The following WDR17 variants were observed in gnomAD, a reference collection of about 807,000 sequenced individuals.
The protein encoded by WDR17 is WD repeat domain 17.
WDR17 carries 143 observed loss-of-function variants against 161.7 expected under a neutral mutation model. The observed-to-expected ratio is 0.88, with a 90% confidence interval of 0.77 to 1.02. The LOEUF is 1.02. Among genes scored for constraint, WDR17 ranks in the 50% least tolerant of loss-of-function variants. The pLI, the probability that WDR17 is intolerant of heterozygous loss-of-function variation, is 0.00. For missense variants in WDR17, 1,469 were observed against 1,520.9 expected (o/e 0.97, Z 0.57); for synonymous variants, 517 against 515.6 (o/e 1.00, Z -0.04).
intron 4 of WDR17, among the ~76,000 whole-genome samples, chr4:176,124,105 G>T (rs1725531276): frequency 6.6e-6 from 1 of 152,184 alleles, no homozygotes; most frequent in Non-Finnish European, 1.5e-5. Context: ...GTAATTATGG[G>T]ATTGCAGCAA....
intron 1 of WDR17, among the ~76,000 whole-genome samples, chr4:176,082,821 A>T (rs1017785401): frequency 2.0e-5 from 3 of 147,056 alleles, no homozygotes; most frequent in Admixed American, 2.0e-4. Context: ...TAATTTATTT[A>T]CTTTAAGTCT....
chr4:176,147,895 G>A (rs1034840208), intron 12 of WDR17, among the ~76,000 whole-genome samples: 1 of 151,942 alleles, frequency 6.6e-6, no homozygotes, highest in Admixed American at 6.6e-5. Flanking sequence ...TATGTGAGGG[G>A]ATGAATTTGT....
rs1214794969 is a variant in WDR17 at position 176,161,007 on chromosome 4, G to A, written c.2750+5G>A. 1 of 1,603,086 alleles carries A rather than the reference G, an allele frequency of 6.2e-7. No individual in the cohort carries two copies. The highest frequency in any genetic ancestry group is 1.3e-5 in the African/African-American group (1 of 74,578). ...CTACAAGGAAGACTTTAATGAGTGA[G>A]TGATTTATTTGCTCTGGGTCCATAT... On this transcript the variant is annotated splice_donor_5th_base_variant and intron_variant, in intron 20 of 28. Coordinates refer to ENST00000508596, the MANE Select transcript of WDR17 (RefSeq NM_181265.4).
chr4:176,108,208 T>G (rs1739117710), intron 1 of WDR17, among the ~76,000 whole-genome samples: 1 of 152,128 alleles, frequency 6.6e-6, no homozygotes, highest in Non-Finnish European at 1.5e-5. Context: ...TTTTATGTTA[T>G]GTGTATTTTA....
Position 176,149,962 on chromosome 4 carries a change from GA to G in WDR17, c.2047+8del. On this transcript the variant is annotated splice_region_variant and intron_variant, in intron 14 of 28. Coordinates refer to ENST00000508596, the MANE Select transcript of WDR17 (RefSeq NM_181265.4). ...AGAAATTATTGGGAACACTGGTATG[GA>G]ACATATACATGTATTAGAGTTTATT... is the stretch of plus-strand genomic sequence containing the variant. 6.2e-7 allele frequency: 1 copy of G among 1,612,292 alleles called. No individual in the cohort carries two copies.
intron 1 of WDR17, among the ~76,000 whole-genome samples, chr4:176,085,597 A>T (rs1224982710): frequency 2.6e-5 from 4 of 152,038 alleles, no homozygotes; most frequent in Non-Finnish European, 5.9e-5. Context: ...GTGAAGGTGG[A>T]TATAGTATTC....
At chr4:176,072,197 C>T (rs541298333) in intron 1 of WDR17, among the ~76,000 whole-genome samples, 6 of 152,284 alleles carry the variant, frequency 3.9e-5, no homozygotes, top group African/African-American at 1.4e-4. Context: ...CTCAGAAATG[C>T]TCAGGTAAAC....
Position 176,148,115 on chromosome 4 carries a change from A to G in WDR17, c.1695-18A>G, listed in dbSNP as rs780477449. Reference sequence around the variant, plus strand: ...TTATAACTTGAATGTTATCACACCCATAATATTCTGTTTTCAGTACCGTTC... The same window carrying G: ...TTATAACTTGAATGTTATCACACCCGTAATATTCTGTTTTCAGTACCGTTC... On this transcript the variant is annotated intron_variant, in intron 12 of 28. Coordinates refer to ENST00000508596, the MANE Select transcript of WDR17 (RefSeq NM_181265.4). 199 of 1,609,862 alleles carry G rather than the reference A, an allele frequency of 1.2e-4. No individual in the cohort carries two copies. The highest frequency in any genetic ancestry group is 1.6e-4 in the Non-Finnish European group (187 of 1,176,816).
At chr4:176,134,993 G>T in intron 7 of WDR17, 115 bp from the exon 8 acceptor site, 1 of 978,248 alleles carries the variant, frequency 1.0e-6, no homozygotes, top group Non-Finnish European at 1.5e-6. Context: ...ATATATTTTT[G>T]CATTAATATT....
intron 3 of WDR17, among the ~76,000 whole-genome samples, chr4:176,119,436 A>G (rs191319303): frequency 3.9e-5 from 6 of 152,230 alleles, no homozygotes; most frequent in Admixed American, 2.6e-4. Context: ...TTATATTTTT[A>G]TTCACTAATC....
intron 2 of WDR17, among the ~76,000 whole-genome samples, chr4:176,112,397 A>G (rs1301488450): frequency 6.6e-6 from 1 of 152,130 alleles, no homozygotes; most frequent in African/African-American, 2.4e-5. Flanking sequence ...CTGTAGTGCA[A>G]ATCTAAATTT....
Position 176,156,073 on chromosome 4 carries a change from T to C in WDR17, c.2461-6T>C, listed in dbSNP as rs758160180. The C allele has an allele frequency of 6.2e-7, 1 of 1,613,322 alleles. No individual in the cohort carries two copies. Among genetic ancestry groups the C allele is most frequent in the South Asian group, 1.1e-5 (1 of 90,934 alleles). On this transcript the variant is annotated splice_region_variant and splice_polypyrimidine_tract_variant and intron_variant, in intron 17 of 28. Transcript: ENST00000508596. ...ATGCTCCTGCCCTTTTTGCCTTCTA[T>C]TGTAGTGGGACAAAGCCCTGTCAAT...
chr4:176,091,573 C>T (rs1736125128), intron 1 of WDR17, among the ~76,000 whole-genome samples: 1 of 151,964 alleles, frequency 6.6e-6, no homozygotes, highest in South Asian at 2.1e-4. Flanking sequence ...ACTAATGATG[C>T]ATCTTAAAGA....
intron 26 of WDR17, 133 bp from the exon 27 acceptor site, chr4:176,176,925 A>G: frequency 1.7e-6 from 1 of 595,434 alleles, no homozygotes; most frequent in Non-Finnish European, 2.9e-6. Flanking sequence ...AATATTCTAT[A>G]TGTATATTAT....
At chr4:176,170,017 G>A (rs903916995) in intron 23 of WDR17, among the ~76,000 whole-genome samples, 3 of 152,102 alleles carry the variant, frequency 2.0e-5, no homozygotes, top group Admixed American at 2.0e-4. Context: ...GTGTTTGAAT[G>A]TACACTAACA....
At chr4:176,109,584 A>G (rs1345339242) in intron 1 of WDR17, among the ~76,000 whole-genome samples, 3 of 152,222 alleles carry the variant, frequency 2.0e-5, no homozygotes, top group Non-Finnish European at 4.4e-5. Context: ...AGGAGATGAG[A>G]AGAAAGTAGA....
intron 13 of WDR17, among the ~76,000 whole-genome samples, chr4:176,149,514 C>T: frequency 6.6e-6 from 1 of 152,152 alleles, no homozygotes; most frequent in African/African-American, 2.4e-5. Flanking sequence ...AAGGGATCCA[C>T]CCGCCTCAGA....
At position 176,148,304 on chromosome 4, in the gene WDR17, T is replaced by A. The variant is rs575307176; in HGVS notation, c.1866T>A (p.Asp622Glu). Reference protein sequence around the residue: ...VWDTREGTCVDTVYDHGADVY... With the variant: ...VWDTREGTCVETVYDHGADVY... ...ACACTCGAGAAGGAACTTGTGTGGATACTGTGTATGATCACGGTGCAGATG... is the reference window on the plus strand; with the variant it reads ...ACACTCGAGAAGGAACTTGTGTGGAAACTGTGTATGATCACGGTGCAGATG... The change falls in exon 13 of 29, where the codon GAT becomes GAA. Residue 622 changes from aspartate (D) to glutamate (E), a missense_variant. Asp to Glu is a conservative substitution (Grantham distance 45). Transcript: ENST00000508596. 6.2e-7 allele frequency: 1 copy of A among 1,614,052 alleles called. No homozygotes were observed. The highest frequency in any genetic ancestry group is 1.1e-5 in the South Asian group (1 of 91,072).
intron 1 of WDR17, among the ~76,000 whole-genome samples, chr4:176,076,935 G>A (rs933301912): frequency 5.9e-5 from 9 of 151,932 alleles, no homozygotes; most frequent in Admixed American, 2.0e-4. Flanking sequence ...AGAAATCTAT[G>A]TCAATGTCCT....
Sources: allele counts gnomAD v4.1 joint callset (sites outside exome capture counted in the v4.1 genomes callset), GRCh38; gene constraint gnomAD v4.1.1; transcripts MANE v1.5; gene names NCBI Gene and HGNC (gene_info 2026-07-23, HGNC 2026-07-21).